SH3D19: variants seen among roughly 807,000 people sequenced by gnomAD.
SH3D19 encodes the protein SH3 domain containing 19, also known as SH3 domain-containing protein 19.
In SH3D19, 58 loss-of-function variants were observed where a neutral mutation model predicts 112.1. The observed-to-expected ratio is 0.52, with a 90% CI of 0.42 to 0.64. The LOEUF (loss-of-function observed/expected upper bound fraction) is 0.64. Ranked by LOEUF, SH3D19 falls within the 30% of genes least tolerant of loss-of-function variation. The probability of loss-of-function intolerance (pLI) is 0.00; values close to 1 mark genes in which losing one functional copy is unlikely to be tolerated. For missense variants in SH3D19, 1,090 were observed against 1,263.4 expected (o/e 0.86, Z 2.08); for synonymous variants, 391 against 448.5 (o/e 0.87, Z 1.62).
At chr4:151,153,438 G>A (rs1459720218) in intron 9 of SH3D19, among the ~76,000 whole-genome samples, 1 of 151,668 alleles carries the variant, frequency 6.6e-6, no homozygotes, top group Non-Finnish European at 1.5e-5. Context: ...TAGAGATGGG[G>A]GTTTCACCAT....
intron 1 of SH3D19, among the ~76,000 whole-genome samples, chr4:151,286,981 A>AT (rs1774853286): frequency 4.4e-5 from 5 of 114,592 alleles, no homozygotes; most frequent in East Asian, 2.5e-4. Context: ...TTCTGTCTCA[A>AT]AAATAATAAT....
intron 1 of SH3D19, among the ~76,000 whole-genome samples, chr4:151,237,177 C>G (rs1046188105): frequency 6.6e-6 from 1 of 152,158 alleles, no homozygotes; most frequent in Non-Finnish European, 1.5e-5. Context: ...ATGAACAACT[C>G]TGGACACGCC....
intron 15 of SH3D19, among the ~76,000 whole-genome samples, chr4:151,133,701 G>A (rs1417895359): frequency 6.6e-6 from 1 of 152,172 alleles, no homozygotes; most frequent in Non-Finnish European, 1.5e-5. Context: ...TTCAATAGAT[G>A]CTCAATTAAT....
intron 1 of SH3D19, among the ~76,000 whole-genome samples, chr4:151,284,009 C>T (rs1774501988): frequency 6.6e-6 from 1 of 151,946 alleles, no homozygotes; most frequent in South Asian, 2.1e-4. Context: ...TTTTCTTTAC[C>T]TTTGATTGTC....
intron 1 of SH3D19, among the ~76,000 whole-genome samples, chr4:151,287,299 C>T (rs1774894811): frequency 2.0e-5 from 3 of 146,818 alleles, no homozygotes; most frequent in South Asian, 2.2e-4. Context: ...CAAGATCATG[C>T]CACTGTACTC....
At chr4:151,291,254 A>G in intron 1 of SH3D19, 1 of 1,613,978 alleles carries the variant, frequency 6.2e-7, no homozygotes, top group Non-Finnish European at 8.5e-7. Flanking sequence ...AAATGGATTA[A>G]TGCCACTATT....
chr4:151,253,879 G>A (rs903908909), intron 1 of SH3D19, among the ~76,000 whole-genome samples: 3 of 152,182 alleles, frequency 2.0e-5, no homozygotes, highest in South Asian at 2.1e-4. Context: ...TCTAGAAAAC[G>A]GTCCCTGGCG....
chr4:151,240,428 C>A (rs1239178454), intron 1 of SH3D19, among the ~76,000 whole-genome samples: 2 of 151,194 alleles, frequency 1.3e-5, no homozygotes, highest in Non-Finnish European at 2.9e-5. Context: ...AAAAAAAAGT[C>A]AAGGGAAGTT....
intron 1 of SH3D19, among the ~76,000 whole-genome samples, chr4:151,281,348 T>G (rs374581431): frequency 3.3e-5 from 5 of 152,260 alleles, no homozygotes; most frequent in African/African-American, 7.2e-5. Flanking sequence ...AATCACCCAA[T>G]AGGACCCAGT....
intron 12 of SH3D19, among the ~76,000 whole-genome samples, chr4:151,143,210 A>G (rs886378446): frequency 1.1e-4 from 17 of 151,928 alleles, no homozygotes; most frequent in African/African-American, 4.1e-4. Flanking sequence ...AGCCTGGGCA[A>G]CAGAGTGAGA....
rs1274430304 is a variant in SH3D19 at position 151,267,164 on chromosome 4, A to AT, written c.113-41079_113-41078insA. On this transcript the variant is annotated intron_variant, in intron 1 of 19. Coordinates refer to ENST00000604030, the MANE Select transcript of SH3D19 (RefSeq NM_001378122.1). ...TGAGACTCAGTCTCTCTCTAAAAAA[A>AT]AAAAAAAATAAATAAAATAAATTAG... is the stretch of plus-strand genomic sequence containing the variant. 3.7e-4 allele frequency among the ~76,000 whole-genome samples: 32 copies of AT among 86,882 alleles called. 2 individuals carry two copies. The highest frequency in any genetic ancestry group is 6.0e-3 in the Middle Eastern group (1 of 166). The allele number at this position is 86,882 out of a possible 152,430, so 57.0% of individuals were successfully genotyped here.
At chr4:151,264,765 A>G (rs1772643455) in intron 1 of SH3D19, among the ~76,000 whole-genome samples, 1 of 152,214 alleles carries the variant, frequency 6.6e-6, no homozygotes, top group Admixed American at 6.5e-5. Flanking sequence ...TTTCATATGA[A>G]AAATATGCTG....
chr4:151,216,529 T>C (rs933176539), intron 2 of SH3D19, among the ~76,000 whole-genome samples: 13 of 151,940 alleles, frequency 8.6e-5, no homozygotes, highest in African/African-American at 3.1e-4. Flanking sequence ...ATAACTAATA[T>C]AAAATATAAC....
At chr4:151,137,640 G>C (rs1199314744) in intron 14 of SH3D19, 92 bp downstream of exon 14, 1 of 1,016,850 alleles carries the variant, frequency 9.8e-7, no homozygotes, top group Non-Finnish European at 1.4e-6. Context: ...AAGAGAACTA[G>C]AATCTGGGTT....
intron 1 of SH3D19, chr4:151,291,316 C>G (rs750881544): frequency 1.2e-6 from 2 of 1,613,930 alleles, no homozygotes; most frequent in Non-Finnish European, 1.7e-6. Flanking sequence ...TATTGTCCTA[C>G]TCTCTCTGGC....
intron 1 of SH3D19, among the ~76,000 whole-genome samples, chr4:151,316,165 T>C (rs910949147): frequency 6.6e-6 from 1 of 152,300 alleles, no homozygotes; most frequent in Non-Finnish European, 1.5e-5. Flanking sequence ...CTCTGTGATC[T>C]TCCTCTCAAA....
At chr4:151,274,474 A>G (rs1261715974) in intron 1 of SH3D19, among the ~76,000 whole-genome samples, 1 of 152,260 alleles carries the variant, frequency 6.6e-6, no homozygotes, top group East Asian at 1.9e-4. Flanking sequence ...TAGAAAAGAT[A>G]ATCTGTGCCA....
chr4:151,266,800 A>G (rs4504229), intron 1 of SH3D19, among the ~76,000 whole-genome samples: 138,182 of 152,210 alleles, frequency 0.91, 63,097 homozygotes, highest in Non-Finnish European at 0.97. Flanking sequence ...ACAATGGCAG[A>G]AACTCATATT....
intron 1 of SH3D19, chr4:151,291,185 G>A: frequency 6.2e-7 from 1 of 1,613,916 alleles, no homozygotes; most frequent in Non-Finnish European, 8.5e-7. Flanking sequence ...GTAGTAAGCT[G>A]GGGATTAGAA....
Sources: allele counts gnomAD v4.1 joint callset (sites outside exome capture counted in the v4.1 genomes callset), GRCh38; gene constraint gnomAD v4.1.1; transcripts MANE v1.5; gene names NCBI Gene and HGNC (gene_info 2026-07-23, HGNC 2026-07-21).